AKT1: variants seen among roughly 807,000 people sequenced by gnomAD.
AKT1 encodes the protein AKT serine/threonine kinase 1, also known as RAC-alpha serine/threonine-protein kinase.
In AKT1, 21 loss-of-function variants were observed where a neutral mutation model predicts 63.1. The observed-to-expected ratio is 0.33, with a 90% confidence interval of 0.24 to 0.48. The LOEUF is 0.48. Ranked by LOEUF, AKT1 falls within the 20% of genes least tolerant of loss-of-function variation. The pLI, the probability that AKT1 is intolerant of heterozygous loss-of-function variation, is 0.99. For synonymous variants in AKT1, 257 were observed against 253.1 expected (o/e 1.02, Z -0.15); for missense variants, 382 against 666.0 (o/e 0.57, Z 4.69).
chr14:104,781,415 G>A (rs921625427), intron 3 of AKT1, among the ~76,000 whole-genome samples: 2 of 152,148 alleles, frequency 1.3e-5, no homozygotes, highest in South Asian at 2.1e-4. Flanking sequence ...GAGCCCAGAC[G>A]CGTCCAGCCC....
Position 104,776,643 on chromosome 14 carries a change from G to T in AKT1, c.287+16C>A. 6.2e-7 allele frequency: 1 copy of T among 1,607,618 alleles called. No homozygotes were observed. The highest frequency in any genetic ancestry group is 1.1e-5 in the South Asian group (1 of 90,762). On this transcript the variant is annotated intron_variant, in intron 5 of 14. Transcript: ENST00000649815. ...GGCTGCCCAAGTGCCTGGCCTGGCC[G>T]CCACAGCCCACGTACCGCTCCTCAG... is the stretch of plus-strand genomic sequence containing the variant.
At position 104,769,999 on chromosome 14, in the gene AKT1, C is replaced by T; in HGVS notation, c.*342G>A. On this transcript the variant is annotated 3_prime_UTR_variant, in exon 15 of 15. Coordinates refer to ENST00000649815, the MANE Select transcript of AKT1 (RefSeq NM_001382430.1). Reference sequence around the variant, plus strand: ...GCGGCTGGCTGACAGAGTGAGGGGACACATGGGCAGGACCTGCCCGGCCCC... The same window carrying T: ...GCGGCTGGCTGACAGAGTGAGGGGATACATGGGCAGGACCTGCCCGGCCCC... 1 of 450,428 alleles carries T rather than the reference C, an allele frequency of 2.2e-6. No homozygotes were observed. The highest frequency in any genetic ancestry group is 4.1e-6 in the Non-Finnish European group (1 of 244,916). The allele number at this position is 450,428 out of a possible 1,614,324, so 27.9% of individuals were successfully genotyped here.
chr14:104,793,649 C>G (rs1280863530), intron 1 of AKT1: 2 of 169,090 alleles, frequency 1.2e-5, no homozygotes, highest in Non-Finnish European at 2.6e-5. Context: ...GGACAGGCCC[C>G]CGCCCTGCAG....
chr14:104,776,590 C>T (rs1892728324), intron 5 of AKT1, 69 bp downstream of exon 5: 1 of 1,383,514 alleles, frequency 7.2e-7, no homozygotes, highest in Non-Finnish European at 1.0e-6. Context: ...CAGCACCCCG[C>T]CATCCCCGTG....
intron 3 of AKT1, among the ~76,000 whole-genome samples, chr14:104,786,015 C>T (rs1893312083): frequency 6.6e-6 from 1 of 152,088 alleles, no homozygotes; most frequent in Non-Finnish European, 1.5e-5. Flanking sequence ...ACCCACCCCT[C>T]GGGCCGGCAA....
In AKT1 at chr14:104,770,200, A is replaced by T; in HGVS notation, c.*141T>A. On this transcript the variant is annotated 3_prime_UTR_variant, in exon 15 of 15. Transcript: ENST00000649815. ...GGAGGGTGCTGCCCACAGCACAAAA[A>T]CGTCTTTCCATCTGGGCTCGAGAGG... 1 of 889,220 alleles carries T rather than the reference A, an allele frequency of 1.1e-6. No individual in the cohort carries two copies. Among genetic ancestry groups the T allele is most frequent in the Non-Finnish European group, 1.8e-6 (1 of 562,366 alleles). 55.1% of individuals were successfully genotyped at this position (889,220 alleles called of 1,614,324 possible). A position where few individuals can be genotyped will look rare whatever the true frequency, so the allele number is the denominator to read the frequency against.
intron 3 of AKT1, among the ~76,000 whole-genome samples, chr14:104,782,915 C>T (rs1225990635): frequency 1.3e-5 from 2 of 152,086 alleles, no homozygotes; most frequent in Admixed American, 6.5e-5. Context: ...CAGCCAGGGC[C>T]GTGGCGCGCA....
chr14:104,773,925 G>A lies in AKT1; in HGVS notation c.689C>T (p.Ala230Val). 1 of 1,611,620 alleles carries A rather than the reference G, an allele frequency of 6.2e-7. No homozygotes were observed. Among genetic ancestry groups the A allele is most frequent in the East Asian group, 2.2e-5 (1 of 44,820 alleles). Residue 230 changes from alanine (A) to valine (V), a missense_variant, in exon 9 of 15, where the codon GCC becomes GTC. Physicochemically the swap from Ala to Val is moderately conservative, Grantham distance 64 (BLOSUM62 0). Transcript: ENST00000649815. Reference protein sequence around the residue: ...HDRLCFVMEYANGGELFFHLS... With the variant: ...HDRLCFVMEYVNGGELFFHLS... ...CCCAGCCCCTACCTCGCCCCCGTTG[G>A]CGTACTCCATGACAAAGCAGAGGCG... is the stretch of plus-strand genomic sequence containing the variant.
chr14:104,790,826 C>T (rs1893590409), intron 3 of AKT1, among the ~76,000 whole-genome samples: 1 of 152,188 alleles, frequency 6.6e-6, no homozygotes. Context: ...AAGCCATTCT[C>T]CACTCCACCA....
intron 3 of AKT1, among the ~76,000 whole-genome samples, chr14:104,791,208 C>T (rs1343137035): frequency 1.3e-5 from 2 of 152,128 alleles, no homozygotes; most frequent in African/African-American, 2.4e-5. Context: ...GAAGCAGCGG[C>T]CCCAGGCAGC....
rs1295342651 is a variant in AKT1 at position 104,772,414 on chromosome 14, T to C, written c.1211A>G (p.Gln404Arg). The change falls in exon 13 of 15, where the codon CAG becomes CGG. Residue 404 changes from glutamine (Q) to arginine (R), a missense_variant. By Grantham distance (43) the Gln-to-Arg change is conservative. Transcript: ENST00000649815. ...GGSEDAKEIM[Q>R]HRFFAGIVWQ... ...CACGATACCGGCAAAGAAGCGATGC[T>C]GCATGATCTCCTTGGCGTCCTCGGA... The C allele has an allele frequency of 1.9e-6, 3 of 1,613,658 alleles. No homozygotes were observed. Among genetic ancestry groups the C allele is most frequent in the Non-Finnish European group, 2.5e-6 (3 of 1,180,058 alleles).
At chr14:104,792,446 G>T in intron 3 of AKT1, 152 bp downstream of exon 3, 1 of 853,408 alleles carries the variant, frequency 1.2e-6, no homozygotes, top group Non-Finnish European at 1.9e-6. Context: ...GCCATGGGAA[G>T]ACATGGGGCC....
At chr14:104,774,683 G>C (rs116305516) in intron 8 of AKT1, 2 of 514,332 alleles carry the variant, frequency 3.9e-6, no homozygotes, top group East Asian at 3.2e-5. Flanking sequence ...CTGGAGCCTC[G>C]GCAGAGTGCA....
intron 4 of AKT1, among the ~76,000 whole-genome samples, chr14:104,779,371 C>G (rs1385965171): frequency 6.6e-6 from 1 of 152,236 alleles, no homozygotes; most frequent in Non-Finnish European, 1.5e-5. Context: ...CAGGGAGAGG[C>G]ACGAGCTCTT....
intron 3 of AKT1, among the ~76,000 whole-genome samples, chr14:104,781,557 A>G (rs796457240): frequency 4.9e-4 from 74 of 151,794 alleles, no homozygotes; most frequent in African/African-American, 1.7e-3. Context: ...GAGGTGAGCC[A>G]CCAAGGCTCG....
At position 104,769,427 on chromosome 14, in the gene AKT1, ATGT is replaced by A; in HGVS notation, c.*911_*913del. ...ATAATAGTAAAAATACTAAAGTTGA[ATGT>A]TGTAAAAAAACGCCGTGGTGCAGCG... On this transcript the variant is annotated 3_prime_UTR_variant, in exon 15 of 15. Transcript: ENST00000649815. 7.8e-6 allele frequency: 3 copies of A among 384,214 alleles called. No individual in the cohort carries two copies. The highest frequency in any genetic ancestry group is 8.5e-5 in the Admixed American group (2 of 23,410). The allele number at this position is 384,214 out of a possible 1,614,324, so 23.8% of individuals were successfully genotyped here. A position where few individuals can be genotyped will look rare whatever the true frequency, so the allele number is the denominator to read the frequency against.
intron 3 of AKT1, among the ~76,000 whole-genome samples, chr14:104,790,519 C>T (rs1026092244): frequency 1.3e-5 from 2 of 152,326 alleles, no homozygotes; most frequent in Admixed American, 1.3e-4. Context: ...CAGGGGACCC[C>T]AGGGACGGGA....
intron 3 of AKT1, among the ~76,000 whole-genome samples, chr14:104,783,708 A>G (rs2498789): frequency 0.27 from 40,552 of 151,978 alleles, 8,528 homozygotes; most frequent in East Asian, 0.69. Flanking sequence ...CCCAAGGGCA[A>G]TGGAGACCGC....
chr14:104,771,039 G>C lies in AKT1; in HGVS notation c.1261-192C>G, dbSNP rs576436971. 7.4e-5 allele frequency: 44 copies of C among 594,148 alleles called. No individual in the cohort carries two copies. The Middle Eastern group carries it at 2.7e-3, about 36-fold the overall frequency. 36.8% of individuals were successfully genotyped at this position (594,148 alleles called of 1,614,324 possible). On this transcript the variant is annotated intron_variant, in intron 13 of 14. Coordinates refer to ENST00000649815, the MANE Select transcript of AKT1 (RefSeq NM_001382430.1). Reference sequence around the variant, plus strand: ...AGGGAGGGACATGAGGGGTGCAGGAGCACGGAGACAACCCTCAACAGCTGA... The same window carrying C: ...AGGGAGGGACATGAGGGGTGCAGGACCACGGAGACAACCCTCAACAGCTGA...
Sources: gnomAD v4.1 joint callset for allele counts (sites outside exome capture counted in the v4.1 genomes callset) on GRCh38, gnomAD v4.1.1 for gene constraint, MANE v1.5 for transcripts, NCBI Gene and HGNC (gene_info 2026-07-23, HGNC 2026-07-21) for gene names.